Variants in HACL2 observed in about 807,000 individuals in gnomAD.
HACL2 encodes the protein 2-hydroxyacyl-CoA lyase 1 like.
chr19:15,115,619 C>A, the HACL2 span: 2 of 1,613,948 alleles, frequency 1.2e-6, no homozygotes, highest in Non-Finnish European at 1.7e-6. Flanking sequence ...CACCTGCTCC[C>A]GAGAAATCTG....
the HACL2 span, among the ~76,000 whole-genome samples, chr19:15,120,509 C>T: frequency 1.6e-4 from 25 of 152,324 alleles, no homozygotes; most frequent in African/African-American, 6.0e-4. Context: ...ACATGAGGCG[C>T]TTTGCATGGG....
the HACL2 span, chr19:15,115,337 T>G: frequency 6.2e-7 from 1 of 1,614,118 alleles, no homozygotes; most frequent in East Asian, 2.2e-5. Flanking sequence ...GCACTGCTGC[T>G]GGGCATCGTG....
chr19:15,124,053 T>C, the HACL2 span: 100 of 166,196 alleles, frequency 6.0e-4, no homozygotes, highest in East Asian at 0.015. Flanking sequence ...GCCTCCCTGA[T>C]GCCCTCCTGA....
chr19:15,119,925 G>C, the HACL2 span: 1 of 1,124,390 alleles, frequency 8.9e-7, no homozygotes, highest in African/African-American at 1.6e-5. Context: ...GGGTCAGGGG[G>C]CCCTCTCCCC....
chr19:15,115,862 G>T, the HACL2 span: 2 of 1,614,086 alleles, frequency 1.2e-6, no homozygotes, highest in Non-Finnish European at 1.7e-6. Flanking sequence ...TGTGTCTGAC[G>T]AATGTATCAA....
chr19:15,122,113 G>A, the HACL2 span, among the ~76,000 whole-genome samples: 29 of 151,224 alleles, frequency 1.9e-4, no homozygotes, highest in Admixed American at 1.7e-3. This position sits in a 1 kb window ranked among gnomAD's most constrained non-coding sequence, Gnocchi z 4.0. Flanking sequence ...CACCATGTTA[G>A]CCAGGATGGT....
the HACL2 span, among the ~76,000 whole-genome samples, chr19:15,121,825 AAAG>A: frequency 2.5e-5 from 2 of 80,676 alleles, no homozygotes; most frequent in East Asian, 4.5e-4. Context: ...AAAAAAAAAA[AAAG>A]AAAGAAAAGG....
the HACL2 span, chr19:15,117,997 CG>C: frequency 1.9e-6 from 3 of 1,614,112 alleles, no homozygotes; most frequent in East Asian, 4.5e-5. Context: ...ATAGGATAGG[CG>C]GAAGTCACAC....
chr19:15,125,541 C>G, the HACL2 span: 1 of 166,038 alleles, frequency 6.0e-6, no homozygotes, highest in African/African-American at 2.4e-5. Flanking sequence ...ACGCCTCTCC[C>G]TTAAAGAGCG....
At chr19:15,115,479 A>G in the HACL2 span, 1 of 1,602,764 alleles carries the variant, frequency 6.2e-7, no homozygotes, top group African/African-American at 1.3e-5. Context: ...AGCCCACCGC[A>G]CATGCAGCCA....
the HACL2 span, chr19:15,123,294 C>A: frequency 1.2e-6 from 2 of 1,607,208 alleles, no homozygotes; most frequent in South Asian, 1.1e-5. This position sits in a 1 kb window ranked among gnomAD's most constrained non-coding sequence, Gnocchi z 5.1. Context: ...GCCATTCTTC[C>A]ACCTCTGAAA....
At chr19:15,119,549 TTTTA>T in the HACL2 span, 33 of 1,556,874 alleles carry the variant, frequency 2.1e-5, 1 homozygote, top group South Asian at 1.8e-4. Flanking sequence ...AGGGCTGTCT[TTTTA>T]TTTATTTATT....
chr19:15,118,242 A>G, the HACL2 span, among the ~76,000 whole-genome samples: 1 of 152,146 alleles, frequency 6.6e-6, no homozygotes, highest in African/African-American at 2.4e-5. Context: ...ATTTTCCCAG[A>G]TGGCCATAAT....
the HACL2 span, chr19:15,116,905 A>G: frequency 4.4e-6 from 1 of 227,568 alleles, no homozygotes; most frequent in South Asian, 7.6e-5. Context: ...ACTGAAGTGA[A>G]CTAACAAACA....
chr19:15,115,184 G>A, the HACL2 span: 2 of 1,583,078 alleles, frequency 1.3e-6, no homozygotes, highest in East Asian at 2.2e-5. Flanking sequence ...AAGCAATGAT[G>A]AGACTCCAAA....
chr19:15,123,897 C>A, the HACL2 span: 1 of 396,638 alleles, frequency 2.5e-6, no homozygotes, highest in Non-Finnish European at 4.6e-6. The surrounding 1 kb of genome is among the most constrained non-coding windows in gnomAD (Gnocchi z 5.1). Context: ...GCAGGGCAAT[C>A]AGGGAGAGAG....
At chr19:15,115,450 C>A in the HACL2 span, 1 of 1,610,942 alleles carries the variant, frequency 6.2e-7, no homozygotes, top group Non-Finnish European at 8.5e-7. Context: ...GAGATTAAGT[C>A]GGATAGTGGC....
chr19:15,122,576 T>TC, the HACL2 span: 1 of 823,460 alleles, frequency 1.2e-6, no homozygotes, highest in Non-Finnish European at 2.0e-6. This position sits in a 1 kb window ranked among gnomAD's most constrained non-coding sequence, Gnocchi z 4.0. Context: ...TGGAATGCTC[T>TC]CCCCCCAGCT....
chr19:15,117,500 G>A, the HACL2 span: 177 of 172,374 alleles, frequency 1.0e-3, 1 homozygote, highest in African/African-American at 4.0e-3. Context: ...ACAGTGAGAT[G>A]CTGATTCCAC....
Sources: allele counts gnomAD v4.1 joint callset (sites outside exome capture counted in the v4.1 genomes callset), GRCh38; gene constraint gnomAD v4.1.1; non-coding constraint Gnocchi (gnomAD v3.1); transcripts MANE v1.5; gene names NCBI Gene and HGNC (gene_info 2026-07-23, HGNC 2026-07-21).